SH3BP2: variants seen among roughly 807,000 people sequenced by gnomAD.
SH3BP2 encodes SH3 domain-binding protein 2.
Under a neutral mutation model 56.2 loss-of-function variants are expected in SH3BP2, and 38 were observed. The ratio of observed to expected loss-of-function variants is 0.68; its 90% CI spans 0.52 to 0.89. The LOEUF (loss-of-function observed/expected upper bound fraction) is 0.89, where lower values mean the gene tolerates loss of function less well. Among genes scored for constraint, SH3BP2 ranks in the 40% least tolerant of loss-of-function variants. The pLI is 0.00. For missense variants in SH3BP2, 748 were observed against 762.6 expected (o/e 0.98, Z 0.23); for synonymous variants, 346 against 316.7 (o/e 1.09, Z -0.98).
chr4:2,833,153 G>A, intron 12 of SH3BP2, 104 bp downstream of exon 12: 1 of 1,012,656 alleles, frequency 9.9e-7, no homozygotes, highest in Non-Finnish European at 1.6e-6. Context: ...ACTGAGACTG[G>A]CACCTCCAGG....
chr4:2,828,768 C>A (rs537855326), intron 7 of SH3BP2, among the ~76,000 whole-genome samples: 1 of 152,210 alleles, frequency 6.6e-6, no homozygotes, highest in Non-Finnish European at 1.5e-5. Context: ...TCGTCCAGGA[C>A]GCCTGTGGCC....
At chr4:2,798,824 G>A (rs991822905) in intron 1 of SH3BP2, among the ~76,000 whole-genome samples, 11 of 152,230 alleles carry the variant, frequency 7.2e-5, no homozygotes, top group Admixed American at 6.5e-5. Context: ...ACAGGTGCTG[G>A]GTGGCTCAGG....
In SH3BP2 at chr4:2,833,916, G is replaced by A. The variant is rs1725140390; in HGVS notation, c.*82G>A. ...ACACAGACGGACATGGGCCCACATG[G>A]GAGGGTGAGCAGGAGCAAGGCTGTG... On this transcript the variant is annotated 3_prime_UTR_variant, in exon 13 of 13. Transcript: ENST00000503393. 11 of 1,460,452 alleles carry A rather than the reference G, an allele frequency of 7.5e-6. No homozygotes were observed. In the South Asian group the frequency reaches 9.0e-5, roughly 12 times the overall value. 90.5% of individuals were successfully genotyped at this position (1,460,452 alleles called of 1,614,324 possible). A position where few individuals can be genotyped will look rare whatever the true frequency, so the allele number is the denominator to read the frequency against.
At chr4:2,802,440 G>GTGTGTA (rs1288683235) in intron 1 of SH3BP2, among the ~76,000 whole-genome samples, 1 of 145,664 alleles carries the variant, frequency 6.9e-6, no homozygotes, top group African/African-American at 2.6e-5. Context: ...GTGTGTGTGT[G>GTGTGTA]TGTATGTATA....
chr4:2,827,287 C>T lies in SH3BP2; in HGVS notation c.486C>T (p.Ile162=). The T allele has an allele frequency of 6.2e-7, 1 of 1,614,230 alleles. No homozygotes were observed. Among genetic ancestry groups the T allele is most frequent in the South Asian group, 1.1e-5 (1 of 91,086 alleles). The change falls in exon 6 of 13, where the codon ATC becomes ATT. Residue 162 remains isoleucine (I), a synonymous_variant. Coordinates refer to ENST00000503393, the MANE Select transcript of SH3BP2 (RefSeq NM_001122681.2). ...FYGAVERPVD[I]SLSPYPTDNE... Reference sequence around the variant, plus strand: ...GCGCAGTTGAGCGGCCTGTGGATATCAGCCTTTCCCCGTACCCCACGGACA... The same window carrying T: ...GCGCAGTTGAGCGGCCTGTGGATATTAGCCTTTCCCCGTACCCCACGGACA...
chr4:2,812,094 C>T (rs1723772330), intron 1 of SH3BP2: 11 of 1,160,050 alleles, frequency 9.5e-6, no homozygotes, highest in Non-Finnish European at 1.0e-5. Flanking sequence ...TGGCCTCTGA[C>T]CACAGGATGG....
intron 1 of SH3BP2, among the ~76,000 whole-genome samples, chr4:2,805,272 A>G (rs1483424776): frequency 1.3e-5 from 2 of 152,186 alleles, no homozygotes; most frequent in Admixed American, 6.5e-5. Flanking sequence ...TGATCTGCTC[A>G]GTGACTGCTG....
chr4:2,801,118 G>T (rs1723261481), intron 1 of SH3BP2, among the ~76,000 whole-genome samples: 1 of 152,212 alleles, frequency 6.6e-6, no homozygotes, highest in African/African-American at 2.4e-5. Flanking sequence ...GACCGCGGAG[G>T]ACCGGGGCCC....
intron 1 of SH3BP2, among the ~76,000 whole-genome samples, chr4:2,820,197 C>T (rs1361529171): frequency 6.6e-6 from 1 of 152,178 alleles, no homozygotes; most frequent in African/African-American, 2.4e-5. Flanking sequence ...TGTCTAGGCC[C>T]CTTATAGGTT....
intron 1 of SH3BP2, among the ~76,000 whole-genome samples, chr4:2,808,814 T>C (rs1282667087): frequency 2.9e-5 from 1 of 34,904 alleles, no homozygotes; most frequent in Non-Finnish European, 5.3e-5. Context: ...CCCCAGGCTC[T>C]GTGCCCACCC....
At chr4:2,795,474 C>A (rs959344234) in intron 1 of SH3BP2, among the ~76,000 whole-genome samples, 1 of 152,220 alleles carries the variant, frequency 6.6e-6, no homozygotes, top group Non-Finnish European at 1.5e-5. Context: ...TGAGCCCCCA[C>A]GCCTGGCAGA....
intron 1 of SH3BP2, among the ~76,000 whole-genome samples, chr4:2,802,631 T>C (rs1723352474): frequency 6.7e-6 from 1 of 148,916 alleles, no homozygotes; most frequent in Admixed American, 6.7e-5. Context: ...TGTGTATGTA[T>C]GTGGTGTGTG....
intron 1 of SH3BP2, among the ~76,000 whole-genome samples, chr4:2,794,645 G>A (rs896452487): frequency 6.6e-6 from 1 of 152,270 alleles, no homozygotes; most frequent in Non-Finnish European, 1.5e-5. Context: ...AGGGCCATCT[G>A]GTGAGAGGGG....
intron 1 of SH3BP2, among the ~76,000 whole-genome samples, chr4:2,816,515 C>T (rs1433119969): frequency 6.6e-6 from 1 of 152,206 alleles, no homozygotes; most frequent in Non-Finnish European, 1.5e-5. Context: ...GACATCCTTT[C>T]CTTGTTCCTG....
chr4:2,812,425 G>GCC, intron 1 of SH3BP2: 1 of 1,550,312 alleles, frequency 6.5e-7, no homozygotes, highest in South Asian at 1.2e-5. Context: ...CAGGACACCG[G>GCC]CCCCGAGCAG....
At chr4:2,808,389 T>C (rs901286979) in intron 1 of SH3BP2, among the ~76,000 whole-genome samples, 3 of 152,210 alleles carry the variant, frequency 2.0e-5, no homozygotes, top group Non-Finnish European at 4.4e-5. Flanking sequence ...CTTAGTTACA[T>C]CGAAGACCCT....
intron 2 of SH3BP2, 92 bp downstream of exon 2, chr4:2,820,845 T>G: frequency 7.3e-7 from 1 of 1,376,908 alleles, no homozygotes; most frequent in Non-Finnish European, 9.9e-7. Flanking sequence ...CTCTGCTTCC[T>G]CACATGGTGT....
Position 2,799,046 on chromosome 4 carries a change from G to A in SH3BP2, c.-5+5908G>A, listed in dbSNP as rs1303990548. ...CCGGCGTCAGGTCATCGAGGCCTCC[G>A]GGCTGATTAGGACTAATGGCGCTCA... is the stretch of plus-strand genomic sequence containing the variant. On this transcript the variant is annotated intron_variant, in intron 1 of 12. Coordinates refer to ENST00000503393, the MANE Select transcript of SH3BP2 (RefSeq NM_001122681.2). 8 of 985,402 alleles carry A rather than the reference G, an allele frequency of 8.1e-6. No homozygotes were observed. The South Asian group carries it at 2.3e-4, about 29-fold the overall frequency. 61.0% of individuals were successfully genotyped at this position (985,402 alleles called of 1,614,324 possible). A position where few individuals can be genotyped will look rare whatever the true frequency, so the allele number is the denominator to read the frequency against.
intron 1 of SH3BP2, among the ~76,000 whole-genome samples, chr4:2,795,933 G>A (rs548933321): frequency 1.2e-4 from 18 of 152,298 alleles, no homozygotes; most frequent in Non-Finnish European, 1.6e-4. Flanking sequence ...ACAGTCCCAC[G>A]TGTGGGCTGC....
Sources: gnomAD v4.1 joint callset for allele counts (sites outside exome capture counted in the v4.1 genomes callset) on GRCh38, gnomAD v4.1.1 for gene constraint, MANE v1.5 for transcripts, NCBI Gene and HGNC (gene_info 2026-07-23, HGNC 2026-07-21) for gene names.